CDH8: variants seen among roughly 807,000 people sequenced by gnomAD.
The protein encoded by CDH8 is cadherin 8.
A neutral mutation model predicts 68.1 loss-of-function variants in CDH8; 17 were observed. The observed-to-expected ratio is 0.25, with a 90% CI of 0.17 to 0.37. The LOEUF (loss-of-function observed/expected upper bound fraction) is 0.37. Ranked by LOEUF, CDH8 falls within the 10% of genes least tolerant of loss-of-function variation. CDH8 has a pLI of 1.00. For missense variants in CDH8, 763 were observed against 999.3 expected (o/e 0.76, Z 3.19); for synonymous variants, 372 against 365.1 (o/e 1.02, Z -0.21).
At chr16:61,689,763 T>C (rs1311192066) in intron 10 of CDH8, among the ~76,000 whole-genome samples, 2 of 152,046 alleles carry the variant, frequency 1.3e-5, no homozygotes, top group Non-Finnish European at 2.9e-5. Flanking sequence ...CAAGAAAACA[T>C]TTATTCAATC....
chr16:61,810,092 G>T (rs1393048225), intron 7 of CDH8, among the ~76,000 whole-genome samples: 1 of 152,150 alleles, frequency 6.6e-6, no homozygotes, highest in African/African-American at 2.4e-5. Flanking sequence ...ATACAATTGT[G>T]AGCCAACTGC....
At chr16:62,005,838 C>G (rs899484253) in intron 2 of CDH8, among the ~76,000 whole-genome samples, 2 of 151,610 alleles carry the variant, frequency 1.3e-5, no homozygotes, top group African/African-American at 4.8e-5. Context: ...TAGCATAGTC[C>G]TTGGATTTAA....
intron 8 of CDH8, among the ~76,000 whole-genome samples, chr16:61,733,404 C>A (rs942281541): frequency 6.6e-6 from 1 of 151,648 alleles, no homozygotes; most frequent in Admixed American, 6.6e-5. Context: ...AAAAAAAAAT[C>A]TTTATGCTGT....
At chr16:62,029,428 G>A (rs922188977) in intron 1 of CDH8, among the ~76,000 whole-genome samples, 1 of 152,220 alleles carries the variant, frequency 6.6e-6, no homozygotes, top group East Asian at 1.9e-4. Flanking sequence ...AAATAAAATA[G>A]CATTTTAGAA....
chr16:61,777,657 G>A (rs895170591), intron 8 of CDH8, among the ~76,000 whole-genome samples: 4 of 152,116 alleles, frequency 2.6e-5, no homozygotes, highest in Non-Finnish European at 5.9e-5. Context: ...TAGTAGAATG[G>A]TTGCAGAACA....
chr16:61,782,018 A>G (rs1961071321), intron 8 of CDH8, among the ~76,000 whole-genome samples: 1 of 152,230 alleles, frequency 6.6e-6, no homozygotes, highest in African/African-American at 2.4e-5. Flanking sequence ...TTGAAACTAC[A>G]TATCAACTTG....
At chr16:61,776,110 G>A (rs1456421869) in intron 8 of CDH8, among the ~76,000 whole-genome samples, 1 of 152,026 alleles carries the variant, frequency 6.6e-6, no homozygotes, top group Non-Finnish European at 1.5e-5. Flanking sequence ...GGATAGAGAG[G>A]AGGATAGAAA....
chr16:61,869,762 A>G (rs550537838), intron 3 of CDH8, among the ~76,000 whole-genome samples: 9 of 152,340 alleles, frequency 5.9e-5, no homozygotes, highest in Non-Finnish European at 8.8e-5. Context: ...CAGATTTGAA[A>G]GACGCACAAG....
intron 10 of CDH8, among the ~76,000 whole-genome samples, chr16:61,689,022 T>C (rs1964164546): frequency 6.6e-6 from 1 of 152,014 alleles, no homozygotes; most frequent in Non-Finnish European, 1.5e-5. Context: ...TTCAAATATC[T>C]GTAATCCTTA....
At chr16:61,982,301 G>A (rs543909271) in intron 2 of CDH8, among the ~76,000 whole-genome samples, 1 of 152,036 alleles carries the variant, frequency 6.6e-6, no homozygotes, top group Non-Finnish European at 1.5e-5. Flanking sequence ...CTCAATGCAA[G>A]CTCCGCCTCC....
At chr16:61,705,521 G>A (rs142395321) in intron 10 of CDH8, among the ~76,000 whole-genome samples, 6 of 152,300 alleles carry the variant, frequency 3.9e-5, no homozygotes, top group Non-Finnish European at 7.4e-5. Context: ...CACCCTGCTA[G>A]TATAAAGACA....
intron 10 of CDH8, among the ~76,000 whole-genome samples, chr16:61,675,621 A>AT (rs1963890276): frequency 1.2e-5 from 1 of 84,324 alleles, no homozygotes; most frequent in Non-Finnish European, 2.1e-5. Flanking sequence ...AAAAAAATAA[A>AT]AAAAATAAAA....
At chr16:61,656,425 GA>G (rs2142741905) in intron 10 of CDH8, among the ~76,000 whole-genome samples, 1 of 152,156 alleles carries the variant, frequency 6.6e-6, no homozygotes, top group East Asian at 1.9e-4. Context: ...CATCATATTT[GA>G]AACACATGTT....
intron 7 of CDH8, among the ~76,000 whole-genome samples, chr16:61,794,550 G>A (rs1229449420): frequency 1.3e-5 from 2 of 151,992 alleles, no homozygotes; most frequent in Non-Finnish European, 2.9e-5. Flanking sequence ...TTCTATTGAT[G>A]ATTCCCTGAC....
intron 8 of CDH8, among the ~76,000 whole-genome samples, chr16:61,773,558 T>C (rs1960833441): frequency 6.6e-6 from 1 of 151,896 alleles, no homozygotes; most frequent in Admixed American, 6.6e-5. Flanking sequence ...GCTCTGTGAG[T>C]TTTGGCTTTG....
At chr16:61,951,214 T>C (rs1845728795) in intron 2 of CDH8, among the ~76,000 whole-genome samples, 1 of 152,032 alleles carries the variant, frequency 6.6e-6, no homozygotes, top group African/African-American at 2.4e-5. Context: ...AATACATGTA[T>C]AAAAGATGCC....
At chr16:61,757,194 G>A (rs1050655509) in intron 8 of CDH8, among the ~76,000 whole-genome samples, 1 of 152,028 alleles carries the variant, frequency 6.6e-6, no homozygotes, top group African/African-American at 2.4e-5. Flanking sequence ...GTCACACAGT[G>A]GGTTAGACTG....
intron 5 of CDH8, among the ~76,000 whole-genome samples, chr16:61,823,640 G>A (rs1027477826): frequency 6.6e-6 from 1 of 151,796 alleles, no homozygotes. Flanking sequence ...CAGTTTCGCT[G>A]GAACCACAGC....
chr16:61,901,143 C>A (rs1209380400), intron 3 of CDH8, 36 bp downstream of exon 3: 1 of 1,573,460 alleles, frequency 6.4e-7, no homozygotes, highest in Non-Finnish European at 8.7e-7. Flanking sequence ...CTAAAGATGA[C>A]TTTTAATAGA....
Sources: gnomAD v4.1 joint callset for allele counts (sites outside exome capture counted in the v4.1 genomes callset) on GRCh38, gnomAD v4.1.1 for gene constraint, MANE v1.5 for transcripts, NCBI Gene and HGNC (gene_info 2026-07-23, HGNC 2026-07-21) for gene names.